The following ROBO2 variants were observed in gnomAD, a reference collection of about 807,000 sequenced individuals.
ROBO2 encodes roundabout homolog 2.
In ROBO2, 53 loss-of-function variants were observed where a neutral mutation model predicts 160.8. That is an observed-to-expected ratio of 0.33 (90% CI 0.26 to 0.41). ROBO2 has a LOEUF of 0.41. Among genes scored for constraint, ROBO2 ranks in the 10% least tolerant of loss-of-function variants. The probability of loss-of-function intolerance (pLI) is 1.00; values close to 1 mark genes in which losing one functional copy is unlikely to be tolerated. For synonymous variants in ROBO2, 664 were observed against 611.7 expected, an observed-to-expected ratio of 1.09 and a Z score of -1.26; for missense variants, 1,577 against 1,722.4, an observed-to-expected ratio of 0.92 and a Z score of 1.49.
At chr3:76,042,841 T>C (rs1035847605) in intron 2 of ROBO2, among the ~76,000 whole-genome samples, 10 of 152,084 alleles carry the variant, frequency 6.6e-5, no homozygotes, top group South Asian at 4.1e-4. Context: ...CACATACCCC[T>C]TGCTTGCTCA....
At chr3:76,750,764 A>G (rs1374149163) in intron 2 of ROBO2, among the ~76,000 whole-genome samples, 2 of 152,130 alleles carry the variant, frequency 1.3e-5, no homozygotes, top group Non-Finnish European at 2.9e-5. Context: ...CTTCAAGGAG[A>G]ATTAGAAACT....
chr3:77,633,264 A>G (rs1274081707), intron 23 of ROBO2: 2 of 152,194 alleles, frequency 1.3e-5, no homozygotes, highest in Non-Finnish European at 2.9e-5. Context: ...TAATGACTAC[A>G]TGTGTATTTC....
At chr3:75,906,781 A>T (rs1946363074) in exon 1 of ROBO2, 1 of 152,300 alleles carries the variant, frequency 6.6e-6, no homozygotes. Flanking sequence ...GGGAGAGGAA[A>T]GAAAAGGAAG....
At chr3:75,972,459 C>A (rs77394006) in intron 2 of ROBO2, among the ~76,000 whole-genome samples, 2 of 151,580 alleles carry the variant, frequency 1.3e-5, no homozygotes, top group Non-Finnish European at 1.5e-5. Flanking sequence ...AAGACAAATT[C>A]TGGAAAATGG....
At chr3:76,411,668 A>G (rs918730131) in intron 2 of ROBO2, among the ~76,000 whole-genome samples, 4 of 152,194 alleles carry the variant, frequency 2.6e-5, no homozygotes, top group African/African-American at 9.7e-5. Context: ...ATACATTATT[A>G]CAGTTACAAT....
rs4464496 is a variant in ROBO2, at chr3:76,990,905, G to C, written c.110-107109G>C. The stretch of plus-strand genomic sequence containing the variant: ...ACAGCTCCAGTAAACACACTGAACA[G>C]GCTCCCCTCCCAAGTGCTGGCGGGC... On this transcript the variant is annotated intron_variant, in intron 2 of 26. Transcript: ENST00000487694. Among the ~76,000 whole-genome samples, 1,066 of 152,206 alleles carry C rather than the reference G, an allele frequency of 7.0e-3. 17 individuals are homozygous for C. Among genetic ancestry groups the C allele is most frequent in the African/African-American group, 0.024 (1,012 of 41,532 alleles).
At chr3:76,193,070 G>T (rs1702090192) in intron 2 of ROBO2, among the ~76,000 whole-genome samples, 1 of 151,716 alleles carries the variant, frequency 6.6e-6, no homozygotes, top group South Asian at 2.1e-4. Context: ...TCTTTGAGTG[G>T]TTTCTATAGC....
chr3:76,658,374 A>G (rs1432971265), intron 2 of ROBO2, among the ~76,000 whole-genome samples: 1 of 151,998 alleles, frequency 6.6e-6, no homozygotes, highest in Non-Finnish European at 1.5e-5. Context: ...TCTGGGACAC[A>G]TGTGCAGAAC....
intron 2 of ROBO2, among the ~76,000 whole-genome samples, chr3:77,424,547 T>A (rs2153535216): frequency 6.6e-6 from 1 of 152,320 alleles, no homozygotes; most frequent in East Asian, 1.9e-4. Context: ...AGAATAGGAT[T>A]GAAAATTAAA....
At chr3:76,148,255 C>T (rs1239477383) in intron 2 of ROBO2, among the ~76,000 whole-genome samples, 2 of 151,988 alleles carry the variant, frequency 1.3e-5, no homozygotes, top group African/African-American at 4.8e-5. Context: ...CTCTCAACTA[C>T]CTGCCTTTCT....
At chr3:76,756,797 G>T (rs73844036) in intron 2 of ROBO2, among the ~76,000 whole-genome samples, 1 of 151,940 alleles carries the variant, frequency 6.6e-6, no homozygotes, top group Admixed American at 6.6e-5. Context: ...AGGAAGACAC[G>T]CCCTGCCTTC....
intron 2 of ROBO2, among the ~76,000 whole-genome samples, chr3:76,734,676 T>C (rs1231343004): frequency 6.6e-6 from 1 of 152,184 alleles, no homozygotes; most frequent in African/African-American, 2.4e-5. Context: ...AAAGTTGTGC[T>C]TTGTCCCTCT....
intron 2 of ROBO2, among the ~76,000 whole-genome samples, chr3:76,088,333 G>A (rs2069099253): frequency 6.6e-6 from 1 of 151,974 alleles, no homozygotes; most frequent in South Asian, 2.1e-4. Flanking sequence ...CAGAAAATCG[G>A]TAAGGACATA....
chr3:76,585,526 T>G (rs1386277103), intron 2 of ROBO2, among the ~76,000 whole-genome samples: 1 of 152,188 alleles, frequency 6.6e-6, no homozygotes, highest in Non-Finnish European at 1.5e-5. Flanking sequence ...TGGGGTTGAA[T>G]TTGTATTTCT....
At chr3:75,976,944 AGTTAT>A (rs2065149170) in intron 2 of ROBO2, among the ~76,000 whole-genome samples, 1 of 151,640 alleles carries the variant, frequency 6.6e-6, no homozygotes, top group Admixed American at 6.6e-5. Context: ...TTGCCTTAAA[AGTTAT>A]GTTACCTATC....
At chr3:75,921,481 G>T (rs1252647053) in intron 1 of ROBO2, among the ~76,000 whole-genome samples, 1 of 151,996 alleles carries the variant, frequency 6.6e-6, no homozygotes, top group Non-Finnish European at 1.5e-5. Context: ...GCATCTTCCA[G>T]CTTCACACAC....
intron 2 of ROBO2, among the ~76,000 whole-genome samples, chr3:76,299,106 T>C (rs1709233029): frequency 6.6e-6 from 1 of 152,222 alleles, no homozygotes; most frequent in African/African-American, 2.4e-5. Context: ...CACAAATTCC[T>C]GTTTGCAAGG....
In ROBO2 at chr3:76,599,328, G is replaced by C. The variant is rs183312822; in HGVS notation, c.110-498686G>C. 3.5e-3 allele frequency among the ~76,000 whole-genome samples: 531 copies of C among 152,204 alleles called. 9 individuals are homozygous for C. Among genetic ancestry groups the C allele is most frequent in the Admixed American group, 0.027 (407 of 15,280 alleles). The stretch of plus-strand genomic sequence containing the variant: ...TTAAAAGTGAAAACATGCAGTATTT[G>C]GTTTTCTGTTTCTGTATCAGTTTGC... On this transcript the variant is annotated intron_variant, in intron 2 of 26. Coordinates refer to the ROBO2 transcript ENST00000487694.
intron 2 of ROBO2, among the ~76,000 whole-genome samples, chr3:77,011,423 A>C (rs6773575): frequency 0.19 from 28,776 of 152,076 alleles, 4,478 homozygotes; most frequent in African/African-American, 0.43. Flanking sequence ...TCAGCTTATT[A>C]CTTAAAATCC....
Sources: gnomAD v4.1 joint callset for allele counts (sites outside exome capture counted in the v4.1 genomes callset) on GRCh38, gnomAD v4.1.1 for gene constraint, MANE v1.5 for transcripts, NCBI Gene and HGNC (gene_info 2026-07-23, HGNC 2026-07-21) for gene names.